Variants in NIBAN1 observed in about 807,000 individuals in gnomAD.
NIBAN1 encodes the protein protein Niban 1.
In NIBAN1, 81 loss-of-function variants were observed where a neutral mutation model predicts 75.1. The observed-to-expected ratio is 1.08, with a 90% confidence interval of 0.90 to 1.30. The LOEUF (loss-of-function observed/expected upper bound fraction) is 1.30. NIBAN1 is among the 50% of genes most tolerant of loss of function. The probability of loss-of-function intolerance (pLI) is 0.00; values close to 1 mark genes in which losing one functional copy is unlikely to be tolerated. For missense variants in NIBAN1, 1,133 were observed against 1,128.1 expected (o/e 1.00, Z -0.06); for synonymous variants, 436 against 424.8 (o/e 1.03, Z -0.32).
intron 1 of NIBAN1, among the ~76,000 whole-genome samples, chr1:184,931,276 A>G (rs943460993): frequency 4.6e-5 from 7 of 152,140 alleles, no homozygotes; most frequent in Admixed American, 3.3e-4. Context: ...CTGGGATTAC[A>G]GGCGTGAGCC....
chr1:184,825,361 T>G (rs948059724), intron 6 of NIBAN1, among the ~76,000 whole-genome samples: 5 of 151,994 alleles, frequency 3.3e-5, no homozygotes, highest in African/African-American at 1.2e-4. Context: ...AATTGTCTGC[T>G]CATGGCCTGT....
At chr1:184,907,217 T>C (rs1163098986) in intron 1 of NIBAN1, among the ~76,000 whole-genome samples, 1 of 95,916 alleles carries the variant, frequency 1.0e-5, no homozygotes, top group Non-Finnish European at 2.0e-5. Flanking sequence ...TCCTATAAAA[T>C]TGCAAAAAAA....
chr1:184,951,357 A>T (rs995435507), intron 1 of NIBAN1, among the ~76,000 whole-genome samples: 3 of 152,254 alleles, frequency 2.0e-5, no homozygotes, highest in Admixed American at 1.3e-4. Context: ...CCATCTGCTT[A>T]GCTGACATCT....
intron 12 of NIBAN1, among the ~76,000 whole-genome samples, chr1:184,799,419 C>T: frequency 6.7e-6 from 1 of 149,378 alleles, no homozygotes; most frequent in East Asian, 2.0e-4. Context: ...ATATGTGCCA[C>T]ATTTTCTTAA....
chr1:184,918,045 A>C (rs74357716), intron 1 of NIBAN1, among the ~76,000 whole-genome samples: 89 of 152,172 alleles, frequency 5.8e-4, no homozygotes, highest in African/African-American at 2.1e-3. Context: ...TCCCTGCCGC[A>C]TATTTCCAAA....
intron 1 of NIBAN1, among the ~76,000 whole-genome samples, chr1:184,930,827 T>C (rs1232550655): frequency 6.6e-6 from 1 of 152,186 alleles, no homozygotes; most frequent in Non-Finnish European, 1.5e-5. Context: ...ATGTACATTA[T>C]GGTTTTATGA....
chr1:184,954,206 A>AG, intron 1 of NIBAN1, among the ~76,000 whole-genome samples: 1 of 152,242 alleles, frequency 6.6e-6, no homozygotes, highest in South Asian at 2.1e-4. Flanking sequence ...CAAAAAGTTC[A>AG]GAAAATATTC....
intron 5 of NIBAN1, among the ~76,000 whole-genome samples, chr1:184,832,645 C>T (rs1045332240): frequency 6.6e-6 from 1 of 152,138 alleles, no homozygotes; most frequent in African/African-American, 2.4e-5. Flanking sequence ...GTAGTCTGAC[C>T]TCAGAGCTTG....
intron 9 of NIBAN1, among the ~76,000 whole-genome samples, chr1:184,810,047 G>A (rs1291276668): frequency 6.6e-6 from 1 of 152,112 alleles, no homozygotes; most frequent in African/African-American, 2.4e-5. Context: ...CATTGGGGAA[G>A]GGGAAGAGTG....
At chr1:184,815,337 C>T (rs1654497531) in intron 9 of NIBAN1, among the ~76,000 whole-genome samples, 1 of 152,184 alleles carries the variant, frequency 6.6e-6, no homozygotes, top group African/African-American at 2.4e-5. Context: ...GAAAGACTGT[C>T]ATTGCCCTCC....
At chr1:184,838,524 T>C (rs1655199152) in intron 5 of NIBAN1, among the ~76,000 whole-genome samples, 1 of 152,190 alleles carries the variant, frequency 6.6e-6, no homozygotes. Context: ...AATGCACTAT[T>C]CTCTTTAGTC....
At chr1:184,917,900 C>T (rs1657436766) in intron 1 of NIBAN1, among the ~76,000 whole-genome samples, 1 of 152,128 alleles carries the variant, frequency 6.6e-6, no homozygotes, top group African/African-American at 2.4e-5. Context: ...TACCCTGAAT[C>T]CATTGTTCTC....
At chr1:184,929,411 T>C (rs1657765532) in intron 1 of NIBAN1, among the ~76,000 whole-genome samples, 1 of 152,186 alleles carries the variant, frequency 6.6e-6, no homozygotes, top group African/African-American at 2.4e-5. Flanking sequence ...TTATTCCTAT[T>C]CAAATGTTCA....
chr1:184,873,521 C>T (rs1656162593), intron 5 of NIBAN1, among the ~76,000 whole-genome samples: 1 of 152,162 alleles, frequency 6.6e-6, no homozygotes, highest in Admixed American at 6.5e-5. Context: ...TTCTTATCAC[C>T]AGAGTTAAGG....
At chr1:184,959,503 T>A (rs1658575805) in intron 1 of NIBAN1, among the ~76,000 whole-genome samples, 1 of 152,252 alleles carries the variant, frequency 6.6e-6, no homozygotes, top group South Asian at 2.1e-4. Flanking sequence ...TCTATTGATT[T>A]ATTTTCTTTA....
At chr1:184,823,594 TC>T (rs779371338) in intron 7 of NIBAN1, 43 bp downstream of exon 7, 22 of 1,589,152 alleles carry the variant, frequency 1.4e-5, no homozygotes, top group Non-Finnish European at 1.9e-5. Context: ...AAGAGAATGT[TC>T]CCATTTTGAG....
intron 9 of NIBAN1, among the ~76,000 whole-genome samples, chr1:184,812,553 T>C (rs1654413620): frequency 6.6e-6 from 1 of 152,214 alleles, no homozygotes; most frequent in South Asian, 2.1e-4. Flanking sequence ...AAATCACTGC[T>C]TATCTCCATC....
chr1:184,801,379 C>A (rs1654036134), intron 12 of NIBAN1, among the ~76,000 whole-genome samples: 2 of 152,314 alleles, frequency 1.3e-5, no homozygotes, highest in South Asian at 4.1e-4. Context: ...TTGAGAAAAG[C>A]ATTGCCCAGG....
At chr1:184,867,188 A>G (rs974461910) in intron 5 of NIBAN1, among the ~76,000 whole-genome samples, 2 of 151,476 alleles carry the variant, frequency 1.3e-5, no homozygotes, top group Admixed American at 6.6e-5. Context: ...ACACACCCCT[A>G]CACACAAACA....
Sources: allele counts gnomAD v4.1 joint callset (sites outside exome capture counted in the v4.1 genomes callset), GRCh38; gene constraint gnomAD v4.1.1; transcripts MANE v1.5; gene names NCBI Gene and HGNC (gene_info 2026-07-23, HGNC 2026-07-21).